Variants in R3HCC1L observed in about 807,000 individuals in gnomAD.
R3HCC1L encodes the protein coiled-coil domain-containing protein R3HCC1L.
In R3HCC1L, 51 loss-of-function variants were observed where a neutral mutation model predicts 59.9. The observed-to-expected ratio is 0.85, with a 90% CI of 0.68 to 1.07. The LOEUF is 1.07. R3HCC1L is among the 50% of genes least tolerant of loss of function. The pLI is 0.00. For synonymous variants in R3HCC1L, 322 were observed against 315.2 expected, an observed-to-expected ratio of 1.02 and a Z score of -0.23; for missense variants, 965 against 933.0, an observed-to-expected ratio of 1.03 and a Z score of -0.45.
intron 4 of R3HCC1L, among the ~76,000 whole-genome samples, chr10:98,196,760 T>TA (rs1027455954): frequency 6.6e-6 from 1 of 152,172 alleles, no homozygotes; most frequent in Non-Finnish European, 1.5e-5. Context: ...CCCCTGTACT[T>TA]ACATATTAGC....
At chr10:98,239,532 T>C (rs1040626280) in intron 9 of R3HCC1L, among the ~76,000 whole-genome samples, 1 of 152,150 alleles carries the variant, frequency 6.6e-6, no homozygotes, top group African/African-American at 2.4e-5. Flanking sequence ...ATGGATGACA[T>C]TGGTTACTCT....
chr10:98,179,251 T>C (rs966745076), intron 4 of R3HCC1L, among the ~76,000 whole-genome samples: 2 of 152,218 alleles, frequency 1.3e-5, no homozygotes, highest in African/African-American at 2.4e-5. Context: ...ATACCTAGTT[T>C]ATTGAGAGTT....
chr10:98,216,152 A>G (rs895286315), intron 5 of R3HCC1L, among the ~76,000 whole-genome samples: 8 of 152,208 alleles, frequency 5.3e-5, no homozygotes, highest in African/African-American at 1.9e-4. Flanking sequence ...GTTTATTGGT[A>G]AAGGGAAAGA....
intron 5 of R3HCC1L, among the ~76,000 whole-genome samples, chr10:98,223,440 C>T (rs1380831050): frequency 6.6e-6 from 1 of 150,722 alleles, no homozygotes; most frequent in African/African-American, 2.4e-5. Flanking sequence ...TGTTTCCTTG[C>T]TTTTTTATGT....
chr10:98,208,431 C>A lies in R3HCC1L; in HGVS notation c.317C>A (p.Ser106Tyr). ...TCLQKTNRVCSKRGTTESKEV... is the reference protein window; with the variant it reads ...TCLQKTNRVCYKRGTTESKEV... ...CTTCAAAAAACAAATAGAGTTTGTT[C>A]TAAGAGAGGAACCACTGAATCCAAA... Residue 106 changes from serine to tyrosine, a missense_variant, in exon 5 of 10, where the codon TCT becomes TAT. Physicochemically the swap from Ser to Tyr is moderately radical, Grantham distance 144. Transcript: ENST00000298999. The A allele has an allele frequency of 1.2e-6, 2 of 1,614,022 alleles. No homozygotes were observed. The highest frequency in any genetic ancestry group is 1.1e-5 in the South Asian group (1 of 91,052).
chr10:98,235,495 C>A lies in R3HCC1L; in HGVS notation c.2103C>A (p.Ala701=). 6.2e-7 allele frequency: 1 copy of A among 1,613,420 alleles called. No individual in the cohort carries two copies. Among genetic ancestry groups the A allele is most frequent in the Non-Finnish European group, 8.5e-7 (1 of 1,179,576 alleles). Residue 701 remains alanine (A), a synonymous_variant, in exon 8 of 10, where the codon GCC becomes GCA. Transcript: ENST00000298999. ...IRPLSQATRA[A]KAKARAYAEF... is the part of the protein sequence containing the mutation. ...CCTTGTCACAGGCCACAAGAGCAGC[C>A]AAGGCCAAAGCTAGAGCTTATGCTG...
chr10:98,240,760 T>C (rs1857442620), intron 9 of R3HCC1L, among the ~76,000 whole-genome samples: 1 of 152,150 alleles, frequency 6.6e-6, no homozygotes, highest in African/African-American at 2.4e-5. Context: ...TCTTGGCGTT[T>C]TTTCTCCCCT....
chr10:98,203,766 A>G (rs770748414), intron 4 of R3HCC1L, among the ~76,000 whole-genome samples: 2 of 152,236 alleles, frequency 1.3e-5, no homozygotes, highest in African/African-American at 2.4e-5. Flanking sequence ...AGGTACTTAA[A>G]GGAAGTTACC....
chr10:98,236,261 C>G (rs969502880), intron 9 of R3HCC1L, 97 bp downstream of exon 9: 1 of 1,474,654 alleles, frequency 6.8e-7, no homozygotes, highest in African/African-American at 1.4e-5. Flanking sequence ...CCATTTTTGT[C>G]GTTTCTGTTT....
chr10:98,207,669 G>C (rs909680873), intron 4 of R3HCC1L, among the ~76,000 whole-genome samples: 1 of 151,456 alleles, frequency 6.6e-6, no homozygotes, highest in South Asian at 2.1e-4. Flanking sequence ...CACTTTATGT[G>C]TATGTATATT....
intron 1 of R3HCC1L, among the ~76,000 whole-genome samples, chr10:98,151,935 C>T (rs934274976): frequency 2.6e-5 from 4 of 152,032 alleles, no homozygotes; most frequent in African/African-American, 9.7e-5. Context: ...CCTCTCCCCA[C>T]GGTCTCCCTC....
At chr10:98,240,982 T>C (rs192377408) in intron 9 of R3HCC1L, among the ~76,000 whole-genome samples, 1 of 152,334 alleles carries the variant, frequency 6.6e-6, no homozygotes, top group Non-Finnish European at 1.5e-5. Flanking sequence ...ACATGGTTCC[T>C]TGTGTTAACA....
In R3HCC1L at chr10:98,234,446, A is replaced by G. The variant is rs970389296; in HGVS notation, c.1962A>G (p.Gln654=). 2 of 1,612,386 alleles carry G rather than the reference A, an allele frequency of 1.2e-6. No homozygotes were observed. The highest frequency in any genetic ancestry group is 2.7e-5 in the African/African-American group (2 of 74,974). Residue 654 remains glutamine (Q), a splice_region_variant and synonymous_variant, in exon 7 of 10, where the codon CAA becomes CAG. Coordinates refer to ENST00000298999, the MANE Select transcript of R3HCC1L (RefSeq NM_001351015.2). ...EDLLRVFCSY[Q]KKGFDIKWVD... ...ATAAAATTGTTTTTTTGTGTTGCAG[A>G]AAGAAAGGATTTGATATTAAATGGG...
At chr10:98,147,469 C>CA (rs1845774481) in intron 1 of R3HCC1L, among the ~76,000 whole-genome samples, 1 of 152,068 alleles carries the variant, frequency 6.6e-6, no homozygotes, top group Non-Finnish European at 1.5e-5. Context: ...AGGTCTTACA[C>CA]AAAAAATCTT....
In R3HCC1L at chr10:98,208,508, A is replaced by G. The variant is rs1853019826; in HGVS notation, c.394A>G (p.Thr132Ala). ...QQGAPNAGVI[T>A]NAPLQRHFKP... ...GGGAGCCCCAAATGCTGGGGTTATA[A>G]CTAATGCACCTTTGCAGAGACATTT... is the stretch of plus-strand genomic sequence containing the variant. Residue 132 changes from threonine (T) to alanine (A), a missense_variant, in exon 5 of 10, where the codon ACT (threonine) becomes GCT (alanine). By Grantham distance (58) the Thr-to-Ala change is moderately conservative. Coordinates refer to ENST00000298999, the MANE Select transcript of R3HCC1L (RefSeq NM_001351015.2). 1 of 1,614,188 alleles carries G rather than the reference A, an allele frequency of 6.2e-7. No individual in the cohort carries two copies. Among genetic ancestry groups the G allele is most frequent in the South Asian group, 1.1e-5 (1 of 91,082 alleles).
intron 5 of R3HCC1L, among the ~76,000 whole-genome samples, chr10:98,219,259 C>G (rs1196293401): frequency 1.3e-5 from 2 of 152,142 alleles, no homozygotes; most frequent in East Asian, 1.9e-4. Context: ...TCTTACATAA[C>G]TACCCCCGCT....
chr10:98,161,609 T>C (rs1388025002), intron 2 of R3HCC1L, among the ~76,000 whole-genome samples: 1 of 152,172 alleles, frequency 6.6e-6, no homozygotes, highest in East Asian at 1.9e-4. Context: ...AATACTTCTG[T>C]AGTTTTAGTT....
intron 2 of R3HCC1L, among the ~76,000 whole-genome samples, chr10:98,159,769 C>T (rs1847221051): frequency 6.6e-6 from 1 of 152,180 alleles, no homozygotes; most frequent in South Asian, 2.1e-4. Flanking sequence ...CTAGGCTCAT[C>T]TTGCATGTTC....
intron 5 of R3HCC1L, among the ~76,000 whole-genome samples, chr10:98,212,895 C>A (rs1370352138): frequency 6.6e-6 from 1 of 152,064 alleles, no homozygotes; most frequent in African/African-American, 2.4e-5. Flanking sequence ...GAATTTGAGG[C>A]CTTCCCTTGG....
Sources: gnomAD v4.1 joint callset for allele counts (sites outside exome capture counted in the v4.1 genomes callset) on GRCh38, gnomAD v4.1.1 for gene constraint, MANE v1.5 for transcripts, NCBI Gene and HGNC (gene_info 2026-07-23, HGNC 2026-07-21) for gene names.